Variants in MYO6 observed in about 807,000 individuals in gnomAD.
MYO6 encodes myosin VI.
A neutral mutation model predicts 178.7 loss-of-function variants in MYO6; 74 were observed. That is an observed-to-expected ratio of 0.41 (90% CI 0.34 to 0.50). MYO6 has a LOEUF of 0.50. MYO6 is among the 20% of genes least tolerant of loss of function. MYO6 has a pLI of 0.09. For synonymous variants in MYO6, 477 were observed against 504.6 expected (o/e 0.95, Z 0.73); for missense variants, 1,330 against 1,547.4 (o/e 0.86, Z 2.36).
Position 75,857,127 on chromosome 6 carries a change from T to C in MYO6, c.1254T>C (p.Asn418=). The C allele has an allele frequency of 1.2e-6, 2 of 1,614,090 alleles. No homozygotes were observed. The highest frequency in any genetic ancestry group is 1.7e-6 in the Non-Finnish European group (2 of 1,179,940). The change falls in exon 13 of 35, where the codon AAT becomes AAC. Residue 418 remains asparagine, a synonymous_variant. Coordinates refer to ENST00000369977, the MANE Select transcript of MYO6 (RefSeq NM_004999.4). ...CTCTGAAAGTGGAGCAAGCAAACAA[T>C]GCTCGTGATGCCCTGGCAAAGACAG... The part of the protein sequence containing the change: ...KVPLKVEQAN[N]ARDALAKTVY...
chr6:75,773,119 T>C (rs1020196923), intron 1 of MYO6, among the ~76,000 whole-genome samples: 1 of 152,044 alleles, frequency 6.6e-6, no homozygotes, highest in African/African-American at 2.4e-5. Flanking sequence ...TAAACATGAG[T>C]GGTGAGAATG....
intron 1 of MYO6, among the ~76,000 whole-genome samples, chr6:75,798,898 T>G (rs1002937071): frequency 6.6e-6 from 1 of 152,204 alleles, no homozygotes; most frequent in Non-Finnish European, 1.5e-5. Context: ...ATAAATGACT[T>G]CAGTAATGTT....
intron 1 of MYO6, among the ~76,000 whole-genome samples, chr6:75,788,425 G>A (rs1166478364): frequency 6.6e-6 from 1 of 152,074 alleles, no homozygotes; most frequent in Non-Finnish European, 1.5e-5. Flanking sequence ...AGCTTCTTCT[G>A]CCTCAGCCCA....
intron 9 of MYO6, 143 bp downstream of exon 9, chr6:75,841,521 T>TC: frequency 1.4e-6 from 1 of 703,882 alleles, no homozygotes; most frequent in South Asian, 1.9e-5. Context: ...AGACCCTGTC[T>TC]CTAAAAAAAA....
At chr6:75,877,563 G>A (rs963240061) in intron 20 of MYO6, among the ~76,000 whole-genome samples, 3 of 151,910 alleles carry the variant, frequency 2.0e-5, no homozygotes, top group African/African-American at 7.3e-5. Context: ...CACCATGCCC[G>A]GCCTAAAATT....
Position 75,761,234 on chromosome 6 carries a change from G to A in MYO6, c.-48+11811G>A, listed in dbSNP as rs138537758. 4.6e-3 allele frequency among the ~76,000 whole-genome samples: 701 copies of A among 152,234 alleles called. 10 individuals carry two copies. Among genetic ancestry groups the A allele is most frequent in the African/African-American group, 0.016 (678 of 41,538 alleles). ...GAGATGATGGAGAAAACAGGTGAAT[G>A]TAAAGTGAAAAACTAGTCATCATGT... On this transcript the variant is annotated intron_variant, in intron 1 of 34. Transcript: ENST00000369977.
In MYO6 at chr6:75,895,280, C is replaced by G; in HGVS notation, c.3137+20C>G. ...GACACCGTATGTCACTTACCTTTACCTTTTTAAAAATAGGTTGTAGATACT... is the reference window on the plus strand; with the variant it reads ...GACACCGTATGTCACTTACCTTTACGTTTTTAAAAATAGGTTGTAGATACT... On this transcript the variant is annotated intron_variant, in intron 29 of 34. Transcript: ENST00000369977. The G allele has an allele frequency of 6.3e-7, 1 of 1,594,610 alleles. No homozygotes were observed. The highest frequency in any genetic ancestry group is 8.6e-7 in the Non-Finnish European group (1 of 1,163,488).
chr6:75,841,363 A>T lies in MYO6; in HGVS notation c.801A>T (p.Ser267=), dbSNP rs1338799545. Residue 267 remains serine, a synonymous_variant, in exon 9 of 35, where the codon TCA becomes TCT. Coordinates refer to ENST00000369977, the MANE Select transcript of MYO6 (RefSeq NM_004999.4). The part of the protein sequence containing the change: ...EDIREKLHLS[S]PDNFRYLNRG... The stretch of plus-strand genomic sequence containing the variant: ...TTAGAGAAAAACTTCATTTGAGTTC[A>T]CCAGATAATTTTCGGGTAGGTCAGA... The T allele has an allele frequency of 6.2e-7, 1 of 1,613,640 alleles. No individual in the cohort carries two copies. Among genetic ancestry groups the T allele is most frequent in the Non-Finnish European group, 8.5e-7 (1 of 1,179,984 alleles).
At position 75,873,174 on chromosome 6, in the gene MYO6, G is replaced by C. The variant is rs756782767; in HGVS notation, c.1984-33G>C. 3.3e-6 allele frequency: 5 copies of C among 1,514,208 alleles called. No individual in the cohort carries two copies. The South Asian group carries it at 5.6e-5, about 17-fold the overall frequency. The allele number at this position is 1,514,208 out of a possible 1,614,324, so 93.8% of individuals were successfully genotyped here. The stretch of plus-strand genomic sequence containing the variant: ...AAACAGAAAACTAAGAATGCTATAT[G>C]TATTGTAACAAAAAGTACCTTTATT... On this transcript the variant is annotated intron_variant, in intron 19 of 34. Transcript: ENST00000369977.
At chr6:75,848,985 T>C (rs1332811952) in intron 11 of MYO6, among the ~76,000 whole-genome samples, 1 of 152,136 alleles carries the variant, frequency 6.6e-6, no homozygotes, top group East Asian at 1.9e-4. Flanking sequence ...TAAATGAAAA[T>C]TTTAATCTTA....
At chr6:75,880,162 A>G in intron 22 of MYO6, 42 bp downstream of exon 22, 1 of 1,402,448 alleles carries the variant, frequency 7.1e-7, no homozygotes. Flanking sequence ...CATCATGAAA[A>G]CAAATAGTTG....
intron 1 of MYO6, among the ~76,000 whole-genome samples, chr6:75,770,119 C>T (rs1765726150): frequency 6.6e-6 from 1 of 152,274 alleles, no homozygotes; most frequent in Non-Finnish European, 1.5e-5. Context: ...TCTCTTGCTT[C>T]GTCTTCTTGC....
At chr6:75,791,754 G>A (rs555482436) in intron 1 of MYO6, among the ~76,000 whole-genome samples, 3 of 152,262 alleles carry the variant, frequency 2.0e-5, no homozygotes, top group South Asian at 2.1e-4. Flanking sequence ...ATTTGTGAAC[G>A]TTTTAAAATT....
chr6:75,775,779 A>G (rs933277044), intron 1 of MYO6, among the ~76,000 whole-genome samples: 1 of 152,214 alleles, frequency 6.6e-6, no homozygotes, highest in Admixed American at 6.5e-5. Context: ...ATATGGTCTG[A>G]GTCACAAATC....
intron 1 of MYO6, among the ~76,000 whole-genome samples, chr6:75,795,019 AT>A (rs1768663116): frequency 1.3e-5 from 2 of 152,224 alleles, no homozygotes; most frequent in African/African-American, 4.8e-5. Context: ...GCTGAGTTGA[AT>A]TTTAATTGTT....
intron 32 of MYO6, among the ~76,000 whole-genome samples, chr6:75,909,967 T>A (rs1780637536): frequency 6.6e-6 from 1 of 152,192 alleles, no homozygotes; most frequent in South Asian, 2.1e-4. Flanking sequence ...GCAATATTAT[T>A]ATTAATAGGG....
intron 23 of MYO6, among the ~76,000 whole-genome samples, chr6:75,882,176 TA>T (rs1778090089): frequency 6.6e-6 from 1 of 152,192 alleles, no homozygotes; most frequent in South Asian, 2.1e-4. Context: ...CCGAAAATTC[TA>T]ATTGTAATTG....
intron 23 of MYO6, among the ~76,000 whole-genome samples, chr6:75,883,725 C>T (rs897599284): frequency 2.0e-5 from 3 of 152,070 alleles, no homozygotes; most frequent in African/African-American, 7.2e-5. Flanking sequence ...CTGTGGCAAA[C>T]CTTTAATTGT....
At chr6:75,772,280 G>A (rs3798456) in intron 1 of MYO6, among the ~76,000 whole-genome samples, 8,370 of 152,124 alleles carry the variant, frequency 0.055, 510 homozygotes, top group African/African-American at 0.15. Context: ...GTTCGGAGAT[G>A]TAGGTAGGCC....
Sources: gnomAD v4.1 joint callset for allele counts (sites outside exome capture counted in the v4.1 genomes callset) on GRCh38, gnomAD v4.1.1 for gene constraint, MANE v1.5 for transcripts, NCBI Gene and HGNC (gene_info 2026-07-23, HGNC 2026-07-21) for gene names.